Variants in RHD observed in about 807,000 individuals in gnomAD.
RHD encodes the protein Rh blood group D antigen.
RHD carries 16 observed loss-of-function variants against 45.5 expected under a neutral mutation model. The ratio of observed to expected loss-of-function variants is 0.35; its 90% CI spans 0.24 to 0.53. RHD has a LOEUF of 0.53. Ranked by LOEUF, RHD falls within the 20% of genes least tolerant of loss-of-function variation. The pLI is 0.92. For synonymous variants in RHD, 131 were observed against 217.5 expected (o/e 0.60, Z 3.50); for missense variants, 306 against 532.0 (o/e 0.58, Z 4.18).
In RHD at chr1:25,289,233, TG is replaced by T. The variant is rs1227045315; in HGVS notation, c.336-1407del. The stretch of plus-strand genomic sequence containing the variant: ...TGTGTGTGAGGCAGTCTTACTCTGT[TG>T]CCCAGGCTGGAGTGCAGTGGTGCAG... On this transcript the variant is annotated intron_variant, in intron 2 of 9. Coordinates refer to ENST00000328664, the MANE Select transcript of RHD (RefSeq NM_016124.6). Among the ~76,000 whole-genome samples the T allele has an allele frequency of 3.0e-5, 4 of 132,562 alleles. 1 individual carries two copies. Among genetic ancestry groups the T allele is most frequent in the African/African-American group, 1.0e-4 (4 of 38,806 alleles). The allele number at this position is 132,562 out of a possible 152,430, so 87.0% of individuals were successfully genotyped here.
intron 9 of RHD, among the ~76,000 whole-genome samples, chr1:25,322,538 T>G (rs1644771115): frequency 7.6e-6 from 1 of 132,340 alleles, no homozygotes; most frequent in Non-Finnish European, 1.8e-5. Context: ...CTGGGTGTGG[T>G]GGCACATGCC....
chr1:25,309,786 C>T (rs1347113394), intron 7 of RHD, among the ~76,000 whole-genome samples: 1 of 132,072 alleles, frequency 7.6e-6, no homozygotes, highest in African/African-American at 2.6e-5. Context: ...TAATAGCTCA[C>T]TCACAGGGCT....
At chr1:25,303,796 C>G (rs1003825066) in intron 6 of RHD, among the ~76,000 whole-genome samples, 1 of 130,980 alleles carries the variant, frequency 7.6e-6, no homozygotes, top group African/African-American at 2.6e-5. Flanking sequence ...TCCTGAATAT[C>G]TGCTTTATTC....
chr1:25,312,920 T>TAAACAAAA (rs1644227646), intron 7 of RHD, among the ~76,000 whole-genome samples: 1 of 6,850 alleles, frequency 1.5e-4, no homozygotes, highest in African/African-American at 3.1e-4. Context: ...ATCCCATCTC[T>TAAACAAAA]AAAAAAAAAA....
intron 6 of RHD, chr1:25,304,632 A>G (rs1284892281): frequency 7.6e-6 from 1 of 131,396 alleles, no homozygotes; most frequent in African/African-American, 2.6e-5. Context: ...ACAGAGTGGA[A>G]TATTATTTAG....
chr1:25,299,906 C>T (rs1196881829), intron 3 of RHD, among the ~76,000 whole-genome samples: 3 of 130,970 alleles, frequency 2.3e-5, no homozygotes, highest in Non-Finnish European at 1.8e-5. Flanking sequence ...AGCATCACCA[C>T]GCCTGGCTAA....
chr1:25,312,920 T>A (rs1274406070), intron 7 of RHD, among the ~76,000 whole-genome samples: 14 of 6,850 alleles, frequency 2.0e-3, no homozygotes, highest in East Asian at 0.013. Flanking sequence ...ATCCCATCTC[T>A]AAAAAAAAAA....
chr1:25,307,097 T>A (rs657596), intron 7 of RHD: 2 of 324,354 alleles, frequency 6.2e-6, no homozygotes, highest in Non-Finnish European at 1.3e-5. Flanking sequence ...GCTGGGCATG[T>A]GGCTTAACCT....
At chr1:25,300,804 G>C in intron 3 of RHD, 142 bp from the exon 4 acceptor site, 1 of 968,600 alleles carries the variant, frequency 1.0e-6, no homozygotes, top group Non-Finnish European at 1.6e-6. Context: ...TGCTGGGTTG[G>C]GCTGGGTAAG....
At position 25,312,147 on chromosome 1, in the gene RHD, G is replaced by A. The variant is rs1158352301; in HGVS notation, c.1074-4853G>A. ...AATTCCATAGTGTGTCCAGGAGGTGGCACACAGAGTAAAAGATCATTCTGA... is the reference window on the plus strand; with the variant it reads ...AATTCCATAGTGTGTCCAGGAGGTGACACACAGAGTAAAAGATCATTCTGA... On this transcript the variant is annotated intron_variant, in intron 7 of 9. Coordinates refer to ENST00000328664, the MANE Select transcript of RHD (RefSeq NM_016124.6). 2.0e-5 allele frequency among the ~76,000 whole-genome samples: 2 copies of A among 97,870 alleles called. 1 individual carries two copies. Among genetic ancestry groups the A allele is most frequent in the Admixed American group, 2.0e-4 (2 of 10,208 alleles). The allele number at this position is 97,870 out of a possible 152,430, so 64.2% of individuals were successfully genotyped here.
At position 25,300,979 on chromosome 1, in the gene RHD, G is replaced by C; in HGVS notation, c.520G>C (p.Val174Leu). 1 of 1,378,792 alleles carries C rather than the reference G, an allele frequency of 7.3e-7. No homozygotes were observed. The highest frequency in any genetic ancestry group is 1.2e-5 in the South Asian group (1 of 84,882). 85.4% of individuals were successfully genotyped at this position (1,378,792 alleles called of 1,614,324 possible). Residue 174 changes from valine to leucine, a missense_variant, in exon 4 of 10, where the codon GTG (valine) becomes CTG (leucine). Transcript: ENST00000328664. ...DYHMNMMHIY[V>L]FAAYFGLSVA... Reference sequence around the variant, plus strand: ...CCACATGAACATGATGCACATCTACGTGTTCGCAGCCTATTTTGGGCTGTC... The same window carrying C: ...CCACATGAACATGATGCACATCTACCTGTTCGCAGCCTATTTTGGGCTGTC...
In RHD at chr1:25,303,353, G is replaced by C; in HGVS notation, c.833G>C (p.Gly278Ala). The C allele has an allele frequency of 7.3e-7, 1 of 1,372,236 alleles. No homozygotes were observed. 85.0% of individuals were successfully genotyped at this position (1,372,236 alleles called of 1,614,324 possible). ...TYVHSAVLAG[G>A]VAVGTSCHLI... Reference sequence around the variant, plus strand: ...GTGCACAGTGCGGTGTTGGCAGGAGGCGTGGCTGTGGGTACCTCGTGTCAC... The same window carrying C: ...GTGCACAGTGCGGTGTTGGCAGGAGCCGTGGCTGTGGGTACCTCGTGTCAC... Residue 278 changes from glycine (G) to alanine (A), a missense_variant, in exon 6 of 10, where the codon GGC becomes GCC. Transcript: ENST00000328664.
In RHD at chr1:25,274,355, G is replaced by A. The variant is rs1466191373; in HGVS notation, c.148+1660G>A. On this transcript the variant is annotated intron_variant, in intron 1 of 9. Coordinates refer to ENST00000328664, the MANE Select transcript of RHD (RefSeq NM_016124.6). ...TTATGCATCATGGCCCCATTTTACA[G>A]TGGGCTTGAGTCTTTGTCATATAAC... 2.3e-5 allele frequency among the ~76,000 whole-genome samples: 3 copies of A among 132,580 alleles called. 1 individual carries two copies. Among genetic ancestry groups the A allele is most frequent in the African/African-American group, 5.1e-5 (2 of 38,894 alleles). 87.0% of individuals were successfully genotyped at this position (132,580 alleles called of 152,430 possible). A position where few individuals can be genotyped will look rare whatever the true frequency, so the allele number is the denominator to read the frequency against.
chr1:25,299,318 G>T lies in RHD; in HGVS notation c.487-1628G>T, dbSNP rs1383037146. Among the ~76,000 whole-genome samples, 12 of 130,766 alleles carry T rather than the reference G, an allele frequency of 9.2e-5. 2 individuals are homozygous for T. Among genetic ancestry groups the T allele is most frequent in the South Asian group, 2.3e-4 (1 of 4,328 alleles). The allele number at this position is 130,766 out of a possible 152,430, so 85.8% of individuals were successfully genotyped here. A position where few individuals can be genotyped will look rare whatever the true frequency, so the allele number is the denominator to read the frequency against. ...AATCGCTTGAACCCAACGGGTGGAGGTTGCAGTGAGCCAAGATGGCACCAG... is the reference window on the plus strand; with the variant it reads ...AATCGCTTGAACCCAACGGGTGGAGTTTGCAGTGAGCCAAGATGGCACCAG... On this transcript the variant is annotated intron_variant, in intron 3 of 9. Transcript: ENST00000328664.
Position 25,300,172 on chromosome 1 carries a change from G to A in RHD, c.487-774G>A, listed in dbSNP as rs1407212009. ...TGAGAAGTAGGAATCAGTGAGGTGC[G>A]TGTCCATGTGGGTTTTTGCCACACC... On this transcript the variant is annotated intron_variant, in intron 3 of 9. Transcript: ENST00000328664. Among the ~76,000 whole-genome samples the A allele has an allele frequency of 3.0e-5, 4 of 131,256 alleles. 1 individual carries two copies. Among genetic ancestry groups the A allele is most frequent in the Admixed American group, 2.2e-4 (3 of 13,424 alleles). The allele number at this position is 131,256 out of a possible 152,430, so 86.1% of individuals were successfully genotyped here.
At chr1:25,295,381 C>T (rs1409296509) in intron 3 of RHD, among the ~76,000 whole-genome samples, 2 of 110,040 alleles carry the variant, frequency 1.8e-5, no homozygotes, top group Non-Finnish European at 4.3e-5. Flanking sequence ...TAGGACAGTG[C>T]CTGGCATGGG....
intron 7 of RHD, chr1:25,307,830 G>T (rs1557550601): frequency 7.7e-7 from 1 of 1,302,090 alleles, no homozygotes; most frequent in East Asian, 2.5e-5. Flanking sequence ...AGACATCCTT[G>T]CTTGGGATGA....
intron 6 of RHD, 65 bp from the exon 7 acceptor site, chr1:25,306,531 G>T: frequency 7.5e-7 from 1 of 1,334,626 alleles, no homozygotes; most frequent in South Asian, 1.2e-5. Flanking sequence ...AAGGGTGTGT[G>T]AAAGGGGTGG....
chr1:25,293,917 T>C (rs1642724325), intron 3 of RHD, among the ~76,000 whole-genome samples: 1 of 131,758 alleles, frequency 7.6e-6, no homozygotes, highest in African/African-American at 2.6e-5. Flanking sequence ...TTGTGAGTCT[T>C]ATAAGAAGCT....
Sources: gnomAD v4.1 joint callset for allele counts (sites outside exome capture counted in the v4.1 genomes callset) on GRCh38, gnomAD v4.1.1 for gene constraint, MANE v1.5 for transcripts, NCBI Gene and HGNC (gene_info 2026-07-23, HGNC 2026-07-21) for gene names.